HIP1: variants seen among roughly 807,000 people sequenced by gnomAD.
The protein encoded by HIP1 is huntingtin-interacting protein 1.
A neutral mutation model predicts 147.6 loss-of-function variants in HIP1; 65 were observed. That is an observed-to-expected ratio of 0.44 (90% confidence interval 0.36 to 0.54). HIP1 has a LOEUF of 0.54. Ranked by LOEUF, HIP1 falls within the 20% of genes least tolerant of loss-of-function variation. HIP1 has a pLI of 0.00. For synonymous variants in HIP1, 479 were observed against 504.0 expected (o/e 0.95, Z 0.67); for missense variants, 1,061 against 1,299.6 (o/e 0.82, Z 2.82).
intron 1 of HIP1, among the ~76,000 whole-genome samples, chr7:75,654,117 G>A (rs1039487240): frequency 3.3e-5 from 5 of 152,004 alleles, no homozygotes; most frequent in African/African-American, 9.7e-5. Flanking sequence ...GAACATGGCC[G>A]GGCGCAGGGG....
In HIP1 at chr7:75,536,995, T is replaced by G. The variant is rs1794105920; in HGVS notation, c.*1177A>C. 4.3e-6 allele frequency: 1 copy of G among 232,102 alleles called. No individual in the cohort carries two copies. The highest frequency in any genetic ancestry group is 8.5e-6 in the Non-Finnish European group (1 of 117,404). 14.4% of individuals were successfully genotyped at this position (232,102 alleles called of 1,614,324 possible). On this transcript the variant is annotated 3_prime_UTR_variant, in exon 31 of 31. Transcript: ENST00000336926. ...CAATTGCGTAGAAGGTGGAACGATC[T>G]TCCTATTCAAGAGGATGCCAAGGCA...
At chr7:75,546,826 C>G (rs1584777767) in intron 25 of HIP1, 113 bp downstream of exon 25, 61 of 750,556 alleles carry the variant, frequency 8.1e-5, no homozygotes. Context: ...GGAGTGGCTG[C>G]TCTGTACTCA....
At chr7:75,565,423 C>T (rs587759289) in intron 9 of HIP1, among the ~76,000 whole-genome samples, 1 of 152,338 alleles carries the variant, frequency 6.6e-6, no homozygotes, top group East Asian at 1.9e-4. Context: ...AAATCAGCCT[C>T]AGGGCCTGTC....
intron 1 of HIP1, among the ~76,000 whole-genome samples, chr7:75,674,168 C>G (rs1469609823): frequency 1.8e-4 from 28 of 152,038 alleles, no homozygotes. Flanking sequence ...ATATGTGTGC[C>G]TTTTACTTAT....
chr7:75,616,890 A>G (rs1797689537), intron 1 of HIP1, among the ~76,000 whole-genome samples: 1 of 151,986 alleles, frequency 6.6e-6, no homozygotes, highest in Non-Finnish European at 1.5e-5. Flanking sequence ...TGGGAACAAC[A>G]GTAACTACAT....
chr7:75,600,765 T>C (rs1554502814), intron 1 of HIP1, among the ~76,000 whole-genome samples: 1 of 152,142 alleles, frequency 6.6e-6, no homozygotes, highest in African/African-American at 2.4e-5. Flanking sequence ...ATTATTATTA[T>C]TATTTTTCGT....
At position 75,627,289 on chromosome 7, in the gene HIP1, C is replaced by T. The variant is rs189860914; in HGVS notation, c.121-28042G>A. On this transcript the variant is annotated intron_variant, in intron 1 of 30. Transcript: ENST00000336926. The stretch of plus-strand genomic sequence containing the variant: ...ATAAATGAATGAATGGTCACTTTCT[C>T]CACCCCACTTCCTACACCACTTGGC... Among the ~76,000 whole-genome samples, 3 of 152,276 alleles carry T rather than the reference C, an allele frequency of 2.0e-5. No homozygotes were observed. The East Asian group carries it at 5.8e-4, about 29-fold the overall frequency.
intron 1 of HIP1, among the ~76,000 whole-genome samples, chr7:75,606,229 T>C (rs587647761): frequency 6.6e-6 from 1 of 152,186 alleles, no homozygotes; most frequent in East Asian, 1.9e-4. Context: ...CCCAATATAA[T>C]GTGAGCTGTA....
chr7:75,716,899 C>T (rs1231438465), intron 1 of HIP1, among the ~76,000 whole-genome samples: 4 of 151,184 alleles, frequency 2.6e-5, no homozygotes, highest in African/African-American at 9.7e-5. Context: ...ACTGGAGCCT[C>T]GAATCTCTCA....
At chr7:75,651,748 A>G (rs1171786956) in intron 1 of HIP1, among the ~76,000 whole-genome samples, 1 of 152,184 alleles carries the variant, frequency 6.6e-6, no homozygotes, top group African/African-American at 2.4e-5. Context: ...AACAAGGCTA[A>G]TCATAGCTAC....
chr7:75,604,858 GC>G (rs1563238575), intron 1 of HIP1, among the ~76,000 whole-genome samples: 2 of 152,018 alleles, frequency 1.3e-5, no homozygotes, highest in South Asian at 4.1e-4. Flanking sequence ...ACACACACAC[GC>G]AAAAATCTTA....
chr7:75,618,746 T>C (rs1043244453), intron 1 of HIP1, among the ~76,000 whole-genome samples: 2 of 152,220 alleles, frequency 1.3e-5, no homozygotes, highest in Non-Finnish European at 2.9e-5. Context: ...TCTGGGTCTC[T>C]TGCAGTGTCC....
chr7:75,697,082 G>C (rs1463687285), intron 1 of HIP1, among the ~76,000 whole-genome samples: 3 of 151,906 alleles, frequency 2.0e-5, no homozygotes, highest in Non-Finnish European at 2.9e-5. Flanking sequence ...CCTAAGGTGA[G>C]AATCTAAAAC....
chr7:75,658,527 C>T (rs10259351), intron 1 of HIP1, among the ~76,000 whole-genome samples: 12,432 of 152,048 alleles, frequency 0.082, 1,008 homozygotes, highest in African/African-American at 0.21. Flanking sequence ...CTGAATTTTG[C>T]GGGCAGGAAA....
chr7:75,737,366 G>C, intron 1 of HIP1, among the ~76,000 whole-genome samples: 1 of 151,406 alleles, frequency 6.6e-6, no homozygotes, highest in East Asian at 2.0e-4. Context: ...ATTTTGAGAC[G>C]GAGTTTCGCT....
chr7:75,648,584 C>T (rs943644018), intron 1 of HIP1, among the ~76,000 whole-genome samples: 8 of 152,082 alleles, frequency 5.3e-5, no homozygotes, highest in East Asian at 1.9e-4. Context: ...GAGCCATATG[C>T]GGATGCCAGG....
intron 4 of HIP1, among the ~76,000 whole-genome samples, chr7:75,588,808 A>G (rs989606821): frequency 1.3e-5 from 2 of 152,082 alleles, no homozygotes; most frequent in Non-Finnish European, 2.9e-5. Context: ...CCCGCAAAAA[A>G]CAAGCAGATT....
At chr7:75,630,549 G>A (rs143477305) in intron 1 of HIP1, among the ~76,000 whole-genome samples, 65 of 150,818 alleles carry the variant, frequency 4.3e-4, no homozygotes, top group African/African-American at 1.5e-3. Context: ...TTCAAGCATC[G>A]ACCAGAGGTA....
intron 27 of HIP1, 103 bp from the exon 28 acceptor site, chr7:75,543,077 C>T (rs1043396642): frequency 1.4e-5 from 17 of 1,200,764 alleles, no homozygotes; most frequent in African/African-American, 9.2e-5. Flanking sequence ...GTGGGCCAAA[C>T]GGCAATCACC....
Sources: gnomAD v4.1 joint callset for allele counts (sites outside exome capture counted in the v4.1 genomes callset) on GRCh38, gnomAD v4.1.1 for gene constraint, MANE v1.5 for transcripts, NCBI Gene and HGNC (gene_info 2026-07-23, HGNC 2026-07-21) for gene names.